Variants in BLTP3B observed in about 807,000 individuals in gnomAD.
BLTP3B encodes UHRF1 (ICBP90) binding protein 1-like.
the BLTP3B span, among the ~76,000 whole-genome samples, chr12:100,086,848 T>G: frequency 6.6e-6 from 1 of 152,122 alleles, no homozygotes; most frequent in East Asian, 1.9e-4. Context: ...CTACACCATA[T>G]CATCCTACCT....
chr12:100,059,656 T>C, the BLTP3B span: 1 of 1,214,440 alleles, frequency 8.2e-7, no homozygotes. Flanking sequence ...TACTTTCCTA[T>C]TAAGACGTAA....
the BLTP3B span, among the ~76,000 whole-genome samples, chr12:100,077,317 C>A: frequency 6.6e-6 from 1 of 152,182 alleles, no homozygotes; most frequent in Non-Finnish European, 1.5e-5. Context: ...ATATACCATA[C>A]ATATAGCCTA....
chr12:100,039,914 TGA>T, the BLTP3B span: 4 of 780,126 alleles, frequency 5.1e-6, no homozygotes, highest in Non-Finnish European at 7.2e-6. Context: ...GATAGTAGTA[TGA>T]GATAGAACAA....
At chr12:100,073,207 T>C in the BLTP3B span, among the ~76,000 whole-genome samples, 21 of 152,162 alleles carry the variant, frequency 1.4e-4, no homozygotes, top group African/African-American at 5.1e-4. Flanking sequence ...AAATAATCTT[T>C]ACCATAATCT....
At chr12:100,041,542 T>G in the BLTP3B span, among the ~76,000 whole-genome samples, 5 of 150,356 alleles carry the variant, frequency 3.3e-5, no homozygotes, top group African/African-American at 1.2e-4. Context: ...GTTCAAGTGA[T>G]TCTCCTGCCT....
the BLTP3B span, among the ~76,000 whole-genome samples, chr12:100,138,468 T>C: frequency 6.6e-6 from 1 of 152,218 alleles, no homozygotes; most frequent in Non-Finnish European, 1.5e-5. Flanking sequence ...TGTGAGGGAA[T>C]ATGCTGTGCA....
chr12:100,128,753 CA>C, the BLTP3B span: 7 of 1,259,384 alleles, frequency 5.6e-6, no homozygotes, highest in African/African-American at 1.1e-4. Context: ...ACAGGGGACA[CA>C]GAAGGGAGCA....
At chr12:100,098,380 G>A in the BLTP3B span, 2 of 1,609,068 alleles carry the variant, frequency 1.2e-6, no homozygotes, top group Middle Eastern at 1.7e-4. Flanking sequence ...CTGAATACGA[G>A]TAAATCTCAA....
At chr12:100,091,183 A>ATTT in the BLTP3B span, among the ~76,000 whole-genome samples, 12 of 81,246 alleles carry the variant, frequency 1.5e-4, no homozygotes, top group South Asian at 1.5e-3. Flanking sequence ...CGCCTGGCTA[A>ATTT]TTTTTTTTTT....
At chr12:100,075,860 C>G in the BLTP3B span, among the ~76,000 whole-genome samples, 1 of 151,954 alleles carries the variant, frequency 6.6e-6, no homozygotes, top group Admixed American at 6.6e-5. Flanking sequence ...GCTGGTGAGG[C>G]TGCAGTACTG....
At chr12:100,138,529 G>T in the BLTP3B span, among the ~76,000 whole-genome samples, 1 of 152,228 alleles carries the variant, frequency 6.6e-6, no homozygotes, top group Non-Finnish European at 1.5e-5. Context: ...GATGGCAGTA[G>T]TATTACCCTC....
the BLTP3B span, among the ~76,000 whole-genome samples, chr12:100,085,293 G>A: frequency 6.6e-6 from 1 of 151,956 alleles, no homozygotes; most frequent in Non-Finnish European, 1.5e-5. Flanking sequence ...GAGGCAGAAG[G>A]TCGAGGCTGT....
chr12:100,118,448 G>A, the BLTP3B span, among the ~76,000 whole-genome samples: 41 of 152,124 alleles, frequency 2.7e-4, no homozygotes, highest in Non-Finnish European at 5.0e-4. Flanking sequence ...AACAAGGAAC[G>A]TCTGAGAAAT....
At chr12:100,050,986 TTATA>T in the BLTP3B span, 1 of 1,514,946 alleles carries the variant, frequency 6.6e-7, no homozygotes, top group Non-Finnish European at 8.9e-7. Context: ...AGAATTCATT[TTATA>T]TATGAATGTC....
the BLTP3B span, among the ~76,000 whole-genome samples, chr12:100,044,120 T>G: frequency 6.6e-6 from 1 of 152,152 alleles, no homozygotes; most frequent in Admixed American, 6.6e-5. Flanking sequence ...AAGACAGACC[T>G]GAATTTTTGG....
chr12:100,125,248 G>A, the BLTP3B span, among the ~76,000 whole-genome samples: 8 of 147,664 alleles, frequency 5.4e-5, no homozygotes, highest in South Asian at 2.2e-4. Flanking sequence ...CAGGAGAATC[G>A]CTAGAACCCG....
At chr12:100,138,848 T>C in the BLTP3B span, among the ~76,000 whole-genome samples, 1 of 147,246 alleles carries the variant, frequency 6.8e-6, no homozygotes, top group African/African-American at 2.7e-5. Context: ...GGTGTGTACA[T>C]GTGTATACAC....
chr12:100,046,226 C>T, the BLTP3B span, among the ~76,000 whole-genome samples: 9 of 152,040 alleles, frequency 5.9e-5, no homozygotes, highest in African/African-American at 1.9e-4. Context: ...CCATTACTGG[C>T]TATATACCCA....
At chr12:100,138,053 G>A in the BLTP3B span, among the ~76,000 whole-genome samples, 1 of 152,174 alleles carries the variant, frequency 6.6e-6, no homozygotes, top group African/African-American at 2.4e-5. Context: ...CTCCCAACCA[G>A]GAGTAATTTT....
Sources: allele counts gnomAD v4.1 joint callset (sites outside exome capture counted in the v4.1 genomes callset), GRCh38; gene constraint gnomAD v4.1.1; transcripts MANE v1.5; gene names NCBI Gene and HGNC (gene_info 2026-07-23, HGNC 2026-07-21).